PAX7: variants seen among roughly 807,000 people sequenced by gnomAD.
PAX7 encodes paired box 7, also known as paired box protein Pax-7.
A neutral mutation model predicts 50.7 loss-of-function variants in PAX7; 18 were observed. That is an observed-to-expected ratio of 0.36 (90% CI 0.25 to 0.53). The LOEUF is 0.53. PAX7 is among the 20% of genes least tolerant of loss of function. The probability of loss-of-function intolerance (pLI) is 0.93; values close to 1 mark genes in which losing one functional copy is unlikely to be tolerated. For synonymous variants in PAX7, 310 were observed against 290.4 expected, an observed-to-expected ratio of 1.07 and a Z score of -0.69; for missense variants, 644 against 702.9, an observed-to-expected ratio of 0.92 and a Z score of 0.95.
At chr1:18,666,604 T>C (rs1216506925) in intron 4 of PAX7, among the ~76,000 whole-genome samples, 4 of 152,128 alleles carry the variant, frequency 2.6e-5, no homozygotes, top group African/African-American at 9.7e-5. Flanking sequence ...CCAGTGATTG[T>C]GGGCAAAGGC....
chr1:18,711,609 C>T (rs2089352391), intron 7 of PAX7, among the ~76,000 whole-genome samples: 2 of 152,116 alleles, frequency 1.3e-5, no homozygotes, highest in Non-Finnish European at 2.9e-5. Context: ...AGGCTGTCTC[C>T]TGCTCCTCCC....
intron 4 of PAX7, among the ~76,000 whole-genome samples, chr1:18,644,796 A>G (rs1428599933): frequency 6.6e-6 from 1 of 152,170 alleles, no homozygotes; most frequent in Non-Finnish European, 1.5e-5. Flanking sequence ...GGAAGTGTTT[A>G]TATGCTGATA....
In PAX7 at chr1:18,700,751, C is replaced by T. The variant is rs758022491; in HGVS notation, c.885C>T (p.Thr295=). The change falls in exon 6 of 9, where the codon ACC becomes ACT. Residue 295 remains threonine (T), a synonymous_variant. Transcript: ENST00000420770. The surrounding 1 kb of genome is among the most constrained non-coding windows in gnomAD (Gnocchi z 4.8). ...NHLLPGGFPP[T]GMPTLPPYQL... ...TTCTGCCAGGAGGCTTCCCACCCACCGGCATGCCCACGCTGCCCCCCTACC... is the reference window on the plus strand; with the variant it reads ...TTCTGCCAGGAGGCTTCCCACCCACTGGCATGCCCACGCTGCCCCCCTACC... 2.1e-5 allele frequency: 34 copies of T among 1,595,856 alleles called. No homozygotes were observed. The East Asian group carries it at 2.8e-4, about 13-fold the overall frequency.
rs145776191 is a variant in PAX7 at position 18,674,488 on chromosome 1, C to T, written c.587-17266C>T. On this transcript the variant is annotated intron_variant, in intron 4 of 8. Coordinates refer to ENST00000420770, the MANE Select transcript of PAX7 (RefSeq NM_001135254.2). ...GGTGAAAAGAGGTGAGTTCAGAGCC[C>T]GGAGCAGGCAGGGAGGCAGGCTTCC... 3.2e-3 allele frequency among the ~76,000 whole-genome samples: 487 copies of T among 151,986 alleles called. 3 individuals carry two copies. The highest frequency in any genetic ancestry group is 0.027 in the Middle Eastern group (8 of 294).
In PAX7 at chr1:18,634,960, A is replaced by G; in HGVS notation, c.322-151A>G. ...CTGGGAGCCAGGAACCGGTTTCTTG[A>G]AAGGATAAAGCCAATCTCTTGGGGG... On this transcript the variant is annotated intron_variant, in intron 2 of 8. Transcript: ENST00000420770. This position sits in a 1 kb window ranked among gnomAD's most constrained non-coding sequence, Gnocchi z 4.0. The G allele has an allele frequency of 1.0e-6, 1 of 996,164 alleles. No homozygotes were observed. Among genetic ancestry groups the G allele is most frequent in the East Asian group, 2.8e-5 (1 of 35,158 alleles). The allele number at this position is 996,164 out of a possible 1,614,324, so 61.7% of individuals were successfully genotyped here. A position where few individuals can be genotyped will look rare whatever the true frequency, so the allele number is the denominator to read the frequency against.
At chr1:18,739,287 G>C (rs879859560) in intron 8 of PAX7, among the ~76,000 whole-genome samples, 4 of 152,220 alleles carry the variant, frequency 2.6e-5, no homozygotes, top group Non-Finnish European at 5.9e-5. Context: ...ACTGAGCAGC[G>C]ATACACACCT....
chr1:18,657,042 A>G (rs1373033129), intron 4 of PAX7, among the ~76,000 whole-genome samples: 1 of 152,164 alleles, frequency 6.6e-6, no homozygotes, highest in East Asian at 1.9e-4. Flanking sequence ...GAGTTAACAC[A>G]TATGGAATCA....
intron 7 of PAX7, among the ~76,000 whole-genome samples, chr1:18,727,893 A>G (rs2089594166): frequency 1.3e-5 from 2 of 152,034 alleles, no homozygotes; most frequent in Admixed American, 6.5e-5. Context: ...AGTGGGGGAC[A>G]GGGAGACCTG....
chr1:18,680,038 A>C (rs1012084843), intron 4 of PAX7, among the ~76,000 whole-genome samples: 3 of 152,188 alleles, frequency 2.0e-5, no homozygotes, highest in African/African-American at 7.2e-5. Flanking sequence ...ATCTTTGTGC[A>C]TGACAACTCT....
intron 7 of PAX7, among the ~76,000 whole-genome samples, chr1:18,720,900 C>G (rs1371405641): frequency 6.6e-6 from 1 of 151,948 alleles, no homozygotes; most frequent in Admixed American, 6.6e-5. Context: ...GGACCCAGAG[C>G]TGGAGGGACG....
intron 4 of PAX7, among the ~76,000 whole-genome samples, chr1:18,669,396 A>G (rs913008651): frequency 7.2e-5 from 11 of 152,282 alleles, no homozygotes; most frequent in African/African-American, 2.6e-4. Context: ...TGGCACCCTC[A>G]GGAGATCTGC....
In PAX7 at chr1:18,700,251, G is replaced by C. The variant is rs1430731966; in HGVS notation, c.787-402G>C. On this transcript the variant is annotated intron_variant, in intron 5 of 8. Transcript: ENST00000420770. The surrounding 1 kb of genome is among the most constrained non-coding windows in gnomAD (Gnocchi z 4.8). ...GGTTGCAGATGCGTGGCTTCCTCCT[G>C]GGGGGCTTCCTGGAGGAGGTGGTCA... is the stretch of plus-strand genomic sequence containing the variant. Among the ~76,000 whole-genome samples, 1 of 151,940 alleles carries C rather than the reference G, an allele frequency of 6.6e-6. No homozygotes were observed. Among genetic ancestry groups the C allele is most frequent in the East Asian group, 1.9e-4 (1 of 5,178 alleles).
At chr1:18,724,926 A>G (rs1316197727) in intron 7 of PAX7, among the ~76,000 whole-genome samples, 1 of 152,154 alleles carries the variant, frequency 6.6e-6, no homozygotes, top group African/African-American at 2.4e-5. Flanking sequence ...ACACATCCTC[A>G]TTTCAGAGAA....
In PAX7 at chr1:18,748,837, A is replaced by G; in HGVS notation, c.*3908A>G. ...GCGCTTCCTCTGTAACTCAGGCGTAACTGTTATACATTAAAAGAAATTAAA... is the reference window on the plus strand; with the variant it reads ...GCGCTTCCTCTGTAACTCAGGCGTAGCTGTTATACATTAAAAGAAATTAAA... On this transcript the variant is annotated 3_prime_UTR_variant, in exon 9 of 9. Coordinates refer to ENST00000420770, the MANE Select transcript of PAX7 (RefSeq NM_001135254.2). The G allele has an allele frequency of 4.8e-6, 1 of 206,902 alleles. No homozygotes were observed. The highest frequency in any genetic ancestry group is 9.9e-6 in the Non-Finnish European group (1 of 101,388). The allele number at this position is 206,902 out of a possible 1,614,324, so 12.8% of individuals were successfully genotyped here.
At chr1:18,732,947 C>G (rs1268192067) in intron 7 of PAX7, among the ~76,000 whole-genome samples, 3 of 152,174 alleles carry the variant, frequency 2.0e-5, no homozygotes, top group African/African-American at 7.2e-5. Flanking sequence ...CCCCCGTCAA[C>G]TGTCCTTCTG....
rs1050724515 is a variant in PAX7 at position 18,702,294 on chromosome 1, G to A, written c.953-800G>A. Among the ~76,000 whole-genome samples the A allele has an allele frequency of 2.0e-5, 3 of 152,012 alleles. No individual in the cohort carries two copies. The South Asian group carries it at 6.2e-4, about 32-fold the overall frequency. On this transcript the variant is annotated intron_variant, in intron 6 of 8. Coordinates refer to ENST00000420770, the MANE Select transcript of PAX7 (RefSeq NM_001135254.2). ...GCGGAGGTTGCACGGAGCCCAGATC[G>A]CGCCACTGCACTCCAGCCTGGGCGA...
Position 18,692,431 on chromosome 1 carries a change from A to T in PAX7, c.786+478A>T, listed in dbSNP as rs563562492. Reference sequence around the variant, plus strand: ...GTGACGGGCACCCGTAATCCCAGCTACTCGGGAGGCTGAGGCAGGAGAGTC... The same window carrying T: ...GTGACGGGCACCCGTAATCCCAGCTTCTCGGGAGGCTGAGGCAGGAGAGTC... On this transcript the variant is annotated intron_variant, in intron 5 of 8. Transcript: ENST00000420770. Among the ~76,000 whole-genome samples, 4 of 152,240 alleles carry T rather than the reference A, an allele frequency of 2.6e-5. No individual in the cohort carries two copies. The South Asian group carries it at 8.3e-4, about 32-fold the overall frequency.
chr1:18,648,840 A>AC (rs2100452292), intron 4 of PAX7, among the ~76,000 whole-genome samples: 1 of 152,292 alleles, frequency 6.6e-6, no homozygotes, highest in South Asian at 2.1e-4. Context: ...ATGTGGAGAT[A>AC]CCAGCTAGGA....
intron 4 of PAX7, among the ~76,000 whole-genome samples, chr1:18,677,105 G>A (rs542622206): frequency 4.6e-5 from 7 of 152,326 alleles, no homozygotes; most frequent in African/African-American, 1.4e-4. Context: ...TGATTTGGGG[G>A]ACACTTCCGC....
Sources: gnomAD v4.1 joint callset for allele counts (sites outside exome capture counted in the v4.1 genomes callset) on GRCh38, gnomAD v4.1.1 for gene constraint, Gnocchi (gnomAD v3.1) non-coding constraint, MANE v1.5 for transcripts, NCBI Gene and HGNC (gene_info 2026-07-23, HGNC 2026-07-21) for gene names.